The following CNTN6 variants were observed in gnomAD, a reference collection of about 807,000 sequenced individuals.
CNTN6 encodes contactin-6.
Under a neutral mutation model 122.8 loss-of-function variants are expected in CNTN6, and 137 were observed. That is an observed-to-expected ratio of 1.12 (90% CI 0.97 to 1.29). The LOEUF (loss-of-function observed/expected upper bound fraction) is 1.29. CNTN6 is among the 50% of genes most tolerant of loss of function. The pLI, the probability that CNTN6 is intolerant of heterozygous loss-of-function variation, is 0.00. For synonymous variants in CNTN6, 570 were observed against 426.0 expected (o/e 1.34, Z -4.16); for missense variants, 1,634 against 1,223.4 (o/e 1.34, Z -5.01).
chr3:1,096,933 T>C (rs1403692380), intron 1 of CNTN6, among the ~76,000 whole-genome samples: 1 of 152,218 alleles, frequency 6.6e-6, no homozygotes, highest in Admixed American at 6.5e-5. Context: ...TTTCTCTTTA[T>C]TGTTTCTGTG....
At chr3:1,278,588 T>C in intron 5 of CNTN6, 80 bp downstream of exon 5, 1 of 817,716 alleles carries the variant, frequency 1.2e-6, no homozygotes, top group Non-Finnish European at 2.0e-6. Flanking sequence ...TTAGGCTCAG[T>C]GATCACCTTT....
chr3:1,124,281 C>A (rs992260381), intron 1 of CNTN6, among the ~76,000 whole-genome samples: 1 of 151,840 alleles, frequency 6.6e-6, no homozygotes, highest in African/African-American at 2.4e-5. Context: ...GATTGAGAAA[C>A]CCTGAATTAT....
intron 1 of CNTN6, among the ~76,000 whole-genome samples, chr3:1,129,954 C>A (rs2092292283): frequency 6.6e-6 from 1 of 151,972 alleles, no homozygotes; most frequent in Non-Finnish European, 1.5e-5. Context: ...TAGATACATA[C>A]ATATACAGGT....
At chr3:1,278,271 AATTG>A (rs1692775262) in intron 4 of CNTN6, 138 bp from the exon 5 acceptor site, 1 of 571,868 alleles carries the variant, frequency 1.7e-6, no homozygotes, top group Admixed American at 3.2e-5. Context: ...AGTGCAGTTA[AATTG>A]ATTGTCAACT....
chr3:1,179,822 G>A (rs1269717842), intron 2 of CNTN6, among the ~76,000 whole-genome samples: 2 of 152,066 alleles, frequency 1.3e-5, no homozygotes, highest in African/African-American at 2.4e-5. Context: ...AAATTTCCCT[G>A]TTATCTTGCC....
intron 16 of CNTN6, 120 bp downstream of exon 16, chr3:1,374,193 G>T: frequency 4.2e-6 from 4 of 944,314 alleles, no homozygotes; most frequent in Middle Eastern, 2.8e-4. Context: ...GGCAGTAAAC[G>T]AGTGGCTCTC....
intron 12 of CNTN6, among the ~76,000 whole-genome samples, chr3:1,353,737 A>C (rs925556049): frequency 6.6e-6 from 1 of 151,654 alleles, no homozygotes; most frequent in Non-Finnish European, 1.5e-5. Context: ...TATCATTTCA[A>C]ATTAAGAAGG....
intron 8 of CNTN6, among the ~76,000 whole-genome samples, chr3:1,322,987 A>C (rs1275189591): frequency 6.6e-6 from 1 of 151,720 alleles, no homozygotes; most frequent in Non-Finnish European, 1.5e-5. Flanking sequence ...GAAGATATTG[A>C]ATGCTTTGGC....
chr3:1,402,365 A>T lies in CNTN6; in HGVS notation c.2865A>T (p.Thr955=), dbSNP rs1279717979. Residue 955 remains threonine, a synonymous_variant, in exon 22 of 23, where the codon ACA becomes ACT. Transcript: ENST00000446702. ...AGAGTAAAACTCATATTTTGGAAAC[A>T]AACAATACATCAGCTGAGCTTCTGG... ...NRQSKTHILE[T]NNTSAELLVP... 1 of 1,612,204 alleles carries T rather than the reference A, an allele frequency of 6.2e-7. No individual in the cohort carries two copies. Among genetic ancestry groups the T allele is most frequent in the East Asian group, 2.2e-5 (1 of 44,836 alleles).
intron 4 of CNTN6, among the ~76,000 whole-genome samples, chr3:1,272,826 G>A (rs539674030): frequency 1.3e-5 from 2 of 152,166 alleles, no homozygotes; most frequent in Non-Finnish European, 2.9e-5. Context: ...TAATTAGGCT[G>A]AGATTCATTC....
chr3:1,357,701 T>C lies in CNTN6; in HGVS notation c.1492+5250T>C, dbSNP rs78341284. ...TCAAAGTCTAGCAGGAATAAAAGTATAGTAACATGCAGATATTAGTACTTC... is the reference window on the plus strand; with the variant it reads ...TCAAAGTCTAGCAGGAATAAAAGTACAGTAACATGCAGATATTAGTACTTC... On this transcript the variant is annotated intron_variant, in intron 12 of 22. Transcript: ENST00000446702. Among the ~76,000 whole-genome samples, 635 of 152,024 alleles carry C rather than the reference T, an allele frequency of 4.2e-3. 7 individuals carry two copies. Among genetic ancestry groups the C allele is most frequent in the African/African-American group, 0.015 (616 of 41,520 alleles).
chr3:1,230,376 G>A (rs960670433), intron 4 of CNTN6, among the ~76,000 whole-genome samples: 2 of 152,094 alleles, frequency 1.3e-5, no homozygotes, highest in Non-Finnish European at 2.9e-5. Flanking sequence ...GAAAATGAAG[G>A]TCAAGTCCCT....
At chr3:1,280,977 C>G (rs758928402) in intron 5 of CNTN6, among the ~76,000 whole-genome samples, 2 of 152,096 alleles carry the variant, frequency 1.3e-5, no homozygotes, top group Admixed American at 1.3e-4. Context: ...TTTAGTCCCT[C>G]GAACATTTCA....
intron 4 of CNTN6, among the ~76,000 whole-genome samples, chr3:1,270,121 A>G (rs370244126): frequency 1.3e-5 from 2 of 152,290 alleles, no homozygotes; most frequent in East Asian, 1.9e-4. Flanking sequence ...ACATAATAAT[A>G]TCATGAACAC....
chr3:1,172,053 T>C (rs2093367200), intron 2 of CNTN6, among the ~76,000 whole-genome samples: 1 of 152,052 alleles, frequency 6.6e-6, no homozygotes, highest in African/African-American at 2.4e-5. Flanking sequence ...CCTATCCCTC[T>C]CCCATCAGAC....
chr3:1,183,236 T>A (rs2093582943), intron 2 of CNTN6, among the ~76,000 whole-genome samples: 1 of 152,110 alleles, frequency 6.6e-6, no homozygotes, highest in Non-Finnish European at 1.5e-5. Flanking sequence ...ATAAACATAG[T>A]AAAATAAAAG....
rs1201213014 is a variant in CNTN6 at position 1,373,730 on chromosome 3, C to A, written c.1913C>A (p.Pro638Gln). Residue 638 changes from proline to glutamine, a missense_variant, in exon 15 of 23, where the codon CCA becomes CAA. Coordinates refer to ENST00000446702, the MANE Select transcript of CNTN6 (RefSeq NM_001289080.2). ...ATATTTACTATTCAGACTCGGACAC[C>A]ATTTTCTGTGGGTTGGCAGGCTGTT... ...IQIFTIQTRT[P>Q]FSVGWQAVAT... 1 of 1,609,364 alleles carries A rather than the reference C, an allele frequency of 6.2e-7. No homozygotes were observed. Among genetic ancestry groups the A allele is most frequent in the African/African-American group, 1.3e-5 (1 of 74,772 alleles).
intron 12 of CNTN6, among the ~76,000 whole-genome samples, chr3:1,367,128 A>G (rs1317157853): frequency 1.3e-5 from 2 of 152,170 alleles, no homozygotes; most frequent in Non-Finnish European, 2.9e-5. Context: ...AAGCTAGTTA[A>G]CACAGCCATC....
intron 4 of CNTN6, among the ~76,000 whole-genome samples, chr3:1,274,672 T>C (rs1435868940): frequency 6.6e-6 from 1 of 152,178 alleles, no homozygotes; most frequent in Non-Finnish European, 1.5e-5. Flanking sequence ...TCAAATAAAA[T>C]CATCTACCTC....
Sources: allele counts gnomAD v4.1 joint callset (sites outside exome capture counted in the v4.1 genomes callset), GRCh38; gene constraint gnomAD v4.1.1; transcripts MANE v1.5; gene names NCBI Gene and HGNC (gene_info 2026-07-23, HGNC 2026-07-21).